The following KIAA1549L variants were observed in gnomAD, a reference collection of about 807,000 sequenced individuals.
KIAA1549L encodes UPF0606 protein KIAA1549L.
In KIAA1549L, 88 loss-of-function variants were observed where a neutral mutation model predicts 160.7. That is an observed-to-expected ratio of 0.55 (90% CI 0.46 to 0.65). The LOEUF (loss-of-function observed/expected upper bound fraction) is 0.65, where lower values mean the gene tolerates loss of function less well. Among genes scored for constraint, KIAA1549L ranks in the 30% least tolerant of loss-of-function variants. The probability of loss-of-function intolerance (pLI) is 0.00; values close to 1 mark genes in which losing one functional copy is unlikely to be tolerated. For missense variants in KIAA1549L, 2,258 were observed against 2,437.5 expected, an observed-to-expected ratio of 0.93 and a Z score of 1.55; for synonymous variants, 950 against 976.7, an observed-to-expected ratio of 0.97 and a Z score of 0.51.
intron 8 of KIAA1549L, among the ~76,000 whole-genome samples, chr11:33,564,369 T>C (rs576320652): frequency 6.6e-6 from 1 of 152,374 alleles, no homozygotes; most frequent in South Asian, 2.1e-4. Flanking sequence ...CTATAGTTTG[T>C]ATTATAAAAG....
intron 1 of KIAA1549L, among the ~76,000 whole-genome samples, chr11:33,408,960 A>AAAAAT (rs1410389777): frequency 6.6e-6 from 1 of 150,866 alleles, no homozygotes; most frequent in East Asian, 1.9e-4. Context: ...AAAAAAAAAA[A>AAAAAT]AAAAAAAAAA....
In KIAA1549L at chr11:33,404,597, A is replaced by G. The variant is rs573069205; in HGVS notation, c.238+27708A>G. ...GATAAGTACAGACAATTCATGGAAA[A>G]AAATAAAAAGAAAAAGAGATGAAGG... is the stretch of plus-strand genomic sequence containing the variant. On this transcript the variant is annotated intron_variant, in intron 1 of 20. Transcript: ENST00000658780. Among the ~76,000 whole-genome samples the G allele has an allele frequency of 2.1e-3, 325 of 152,312 alleles. 1 individual carries two copies. Among genetic ancestry groups the G allele is most frequent in the African/African-American group, 7.5e-3 (310 of 41,556 alleles).
chr11:33,398,051 A>T (rs1850423186), intron 1 of KIAA1549L, among the ~76,000 whole-genome samples: 1 of 149,492 alleles, frequency 6.7e-6, no homozygotes, highest in African/African-American at 2.5e-5. Flanking sequence ...CCTCCCGTGT[A>T]GCTGGGATTA....
intron 1 of KIAA1549L, among the ~76,000 whole-genome samples, chr11:33,532,540 A>C (rs190809063): frequency 6.6e-6 from 1 of 152,344 alleles, no homozygotes; most frequent in East Asian, 1.9e-4. Context: ...CAGATAAGGA[A>C]ACTGGCACAC....
In KIAA1549L at chr11:33,667,827, C is replaced by A. The variant is rs1365220188; in HGVS notation, c.6160-46C>A. 1.9e-6 allele frequency: 3 copies of A among 1,545,996 alleles called. No individual in the cohort carries two copies. The African/African-American group carries it at 4.1e-5, about 21-fold the overall frequency. On this transcript the variant is annotated intron_variant, in intron 20 of 20. Coordinates refer to ENST00000658780, the MANE Select transcript of KIAA1549L (RefSeq NM_012194.3). ...CAAGTGTGTCCTGTGACTTGAGCTC[C>A]TTCCTCATGCCAGGCCCTGTCCTTC...
intron 16 of KIAA1549L, among the ~76,000 whole-genome samples, chr11:33,641,706 G>A (rs1402372048): frequency 6.8e-6 from 1 of 147,588 alleles, no homozygotes; most frequent in African/African-American, 2.5e-5. Context: ...TAATTATGGG[G>A]AACACATTTG....
At chr11:33,589,858 A>G (rs931064390) in intron 11 of KIAA1549L, among the ~76,000 whole-genome samples, 32 of 152,182 alleles carry the variant, frequency 2.1e-4, no homozygotes, top group African/African-American at 7.2e-4. Context: ...ACATGTATAC[A>G]TATGTAACCT....
At chr11:33,446,841 T>C (rs1851622679) in intron 1 of KIAA1549L, among the ~76,000 whole-genome samples, 1 of 151,420 alleles carries the variant, frequency 6.6e-6, no homozygotes, top group Non-Finnish European at 1.5e-5. Flanking sequence ...ACGCCAAAAA[T>C]TGCAATGCCT....
Position 33,543,499 on chromosome 11 carries a change from AG to A in KIAA1549L, c.1937del (p.Ser646ThrfsTer24). 6.2e-7 allele frequency: 1 copy of A among 1,613,936 alleles called. No homozygotes were observed. The highest frequency in any genetic ancestry group is 8.5e-7 in the Non-Finnish European group (1 of 1,179,876). ...QTVFPSLGFS[S>X]TKPEAYAAAV... ...TGTTTTCCCATCTCTTGGCTTTTCCAGCACCAAGCCAGAGGCTTATGCAGCT... is the reference window on the plus strand; with the variant it reads ...TGTTTTCCCATCTCTTGGCTTTTCCACACCAAGCCAGAGGCTTATGCAGCT... On this transcript the variant is annotated frameshift_variant, in exon 2 of 21. Transcript: ENST00000658780. LOFTEE classifies it high-confidence loss of function.
At chr11:33,616,646 A>G (rs1435393530) in intron 15 of KIAA1549L, among the ~76,000 whole-genome samples, 1 of 152,174 alleles carries the variant, frequency 6.6e-6, no homozygotes, top group Non-Finnish European at 1.5e-5. Flanking sequence ...GGCAAGGGTA[A>G]TGCTTTGCCT....
intron 1 of KIAA1549L, among the ~76,000 whole-genome samples, chr11:33,400,046 T>C (rs1375856461): frequency 2.0e-5 from 3 of 152,212 alleles, no homozygotes; most frequent in Non-Finnish European, 4.4e-5. Flanking sequence ...GAGAGATGTT[T>C]AATAATATGT....
At chr11:33,481,449 C>T (rs1402043189) in intron 1 of KIAA1549L, among the ~76,000 whole-genome samples, 1 of 152,138 alleles carries the variant, frequency 6.6e-6, no homozygotes, top group East Asian at 1.9e-4. Context: ...AAATTGTTGC[C>T]TGGTTTAAAA....
intron 1 of KIAA1549L, among the ~76,000 whole-genome samples, chr11:33,476,480 A>G (rs189579430): frequency 1.3e-5 from 2 of 152,334 alleles, no homozygotes; most frequent in Non-Finnish European, 2.9e-5. Flanking sequence ...TCTTTAAACA[A>G]CAAAGGTCAG....
chr11:33,512,465 C>A (rs1478526214), intron 1 of KIAA1549L, among the ~76,000 whole-genome samples: 1 of 152,116 alleles, frequency 6.6e-6, no homozygotes, highest in East Asian at 1.9e-4. Context: ...CTCTGTTGCC[C>A]AGACTGGAGT....
intron 6 of KIAA1549L, among the ~76,000 whole-genome samples, chr11:33,557,876 G>C (rs185185148): frequency 6.6e-6 from 1 of 152,086 alleles, no homozygotes; most frequent in African/African-American, 2.4e-5. Flanking sequence ...GACAGAGTGA[G>C]ACCCTGTCTC....
At chr11:33,633,191 G>A (rs1851349690) in intron 16 of KIAA1549L, among the ~76,000 whole-genome samples, 1 of 115,904 alleles carries the variant, frequency 8.6e-6, no homozygotes, top group African/African-American at 3.3e-5. Context: ...TAGAGACAGG[G>A]TTTCACCATG....
chr11:33,391,872 G>C (rs914993378), intron 1 of KIAA1549L, among the ~76,000 whole-genome samples: 2 of 152,196 alleles, frequency 1.3e-5, no homozygotes, highest in Admixed American at 1.3e-4. Context: ...GGCATAGCAA[G>C]AGAAAAATTT....
intron 1 of KIAA1549L, among the ~76,000 whole-genome samples, chr11:33,396,037 A>C (rs1026057557): frequency 6.6e-6 from 1 of 152,084 alleles, no homozygotes; most frequent in African/African-American, 2.4e-5. Context: ...TTCTTTCCCC[A>C]TAGGAATACA....
chr11:33,570,006 C>CTCTT (rs377114558), intron 9 of KIAA1549L, among the ~76,000 whole-genome samples: 31 of 134,558 alleles, frequency 2.3e-4, no homozygotes, highest in African/African-American at 5.0e-4. Flanking sequence ...CTCTCTCTCT[C>CTCTT]TTTTTTTTTT....
Sources: gnomAD v4.1 joint callset for allele counts (sites outside exome capture counted in the v4.1 genomes callset) on GRCh38, gnomAD v4.1.1 for gene constraint, MANE v1.5 for transcripts, NCBI Gene and HGNC (gene_info 2026-07-23, HGNC 2026-07-21) for gene names.